The following SRRM4 variants were observed in gnomAD, a reference collection of about 807,000 sequenced individuals.
The protein encoded by SRRM4 is serine/arginine repetitive matrix protein 4.
SRRM4 carries 33 observed loss-of-function variants against 68.9 expected under a neutral mutation model. That is an observed-to-expected ratio of 0.48 (90% CI 0.36 to 0.64). The LOEUF (loss-of-function observed/expected upper bound fraction) is 0.64, where lower values mean the gene tolerates loss of function less well. Among genes scored for constraint, SRRM4 ranks in the 30% least tolerant of loss-of-function variants. SRRM4 has a pLI of 0.00. For missense variants in SRRM4, 817 were observed against 827.1 expected, an observed-to-expected ratio of 0.99 and a Z score of 0.15; for synonymous variants, 318 against 318.8, an observed-to-expected ratio of 1.00 and a Z score of 0.03.
chr12:119,141,785 C>A (rs1421130932), intron 8 of SRRM4, among the ~76,000 whole-genome samples: 1 of 152,138 alleles, frequency 6.6e-6, no homozygotes, highest in African/African-American at 2.4e-5. Flanking sequence ...AGAGAGACGG[C>A]CAATAAAATA....
Position 119,153,476 on chromosome 12 carries a change from C to T in SRRM4, c.1281-63C>T, listed in dbSNP as rs980105907. 1.6e-5 allele frequency: 18 copies of T among 1,120,360 alleles called. No individual in the cohort carries two copies. In the African/African-American group the frequency reaches 2.5e-4, roughly 15 times the overall value. The allele number at this position is 1,120,360 out of a possible 1,614,324, so 69.4% of individuals were successfully genotyped here. Reference sequence around the variant, plus strand: ...AGGGACCCGCTGAATAAAGCTCAAGCCGTCTTGGATAACCCAGGCGGACAC... The same window carrying T: ...AGGGACCCGCTGAATAAAGCTCAAGTCGTCTTGGATAACCCAGGCGGACAC... On this transcript the variant is annotated intron_variant, in intron 10 of 12. Coordinates refer to ENST00000267260, the MANE Select transcript of SRRM4 (RefSeq NM_194286.4).
intron 3 of SRRM4, among the ~76,000 whole-genome samples, chr12:119,114,733 C>T (rs1247588548): frequency 7.2e-6 from 1 of 139,702 alleles, no homozygotes; most frequent in Non-Finnish European, 1.5e-5. Flanking sequence ...GGCATGATCT[C>T]GGCTCCCTGC....
chr12:119,042,024 G>T (rs775061154), intron 1 of SRRM4, among the ~76,000 whole-genome samples: 1 of 152,070 alleles, frequency 6.6e-6, no homozygotes, highest in African/African-American at 2.4e-5. Context: ...CCAACTTCAC[G>T]AACTAAGGAT....
At chr12:119,013,575 A>C (rs1305251652) in intron 1 of SRRM4, among the ~76,000 whole-genome samples, 2 of 152,238 alleles carry the variant, frequency 1.3e-5, no homozygotes, top group Non-Finnish European at 1.5e-5. Flanking sequence ...AATATTTTAT[A>C]TGAAAATACA....
intron 1 of SRRM4, among the ~76,000 whole-genome samples, chr12:119,092,037 A>T (rs1954017304): frequency 6.6e-6 from 1 of 152,198 alleles, no homozygotes; most frequent in South Asian, 2.1e-4. Flanking sequence ...AAACGCACAA[A>T]CAATAAATGA....
At position 119,160,342 on chromosome 12, in the gene SRRM4, CT is replaced by C. The variant is rs1954505178; in HGVS notation, c.*3548del. ...CTCTCTCAGTGTATTTCTCTACTTT[CT>C]TTTACATTTCCTTTTTTTCTATCCA... On this transcript the variant is annotated 3_prime_UTR_variant, in exon 13 of 13. Coordinates refer to ENST00000267260, the MANE Select transcript of SRRM4 (RefSeq NM_194286.4). The C allele has an allele frequency of 6.7e-6, 1 of 149,530 alleles. No individual in the cohort carries two copies. The highest frequency in any genetic ancestry group is 1.5e-5 in the Non-Finnish European group (1 of 67,692). The allele number at this position is 149,530 out of a possible 1,614,324, so 9.3% of individuals were successfully genotyped here. A position where few individuals can be genotyped will look rare whatever the true frequency, so the allele number is the denominator to read the frequency against.
chr12:119,120,360 TC>T, intron 5 of SRRM4, 84 bp downstream of exon 5: 1 of 1,427,646 alleles, frequency 7.0e-7, no homozygotes, highest in South Asian at 1.3e-5. Context: ...GCCCTCAGTT[TC>T]CATCTGTGCT....
At position 119,078,069 on chromosome 12, in the gene SRRM4, C is replaced by A. The variant is rs555622446; in HGVS notation, c.132-24167C>A. ...GTCTGCCTGTGGGTGGTTCTGAAGA[C>A]CCTCCTCTACCCAAAGACAACATAA... On this transcript the variant is annotated intron_variant, in intron 1 of 12. Transcript: ENST00000267260. Among the ~76,000 whole-genome samples the A allele has an allele frequency of 1.3e-4, 20 of 152,164 alleles. No individual in the cohort carries two copies. The South Asian group carries it at 1.9e-3, about 14-fold the overall frequency.
intron 2 of SRRM4, among the ~76,000 whole-genome samples, chr12:119,110,217 G>A (rs1565910202): frequency 6.6e-6 from 1 of 152,206 alleles, no homozygotes; most frequent in African/African-American, 2.4e-5. Flanking sequence ...CTGGCCATAT[G>A]AGGTGTCAGT....
chr12:119,013,286 G>A (rs569753767), intron 1 of SRRM4, among the ~76,000 whole-genome samples: 1 of 152,230 alleles, frequency 6.6e-6, no homozygotes, highest in East Asian at 1.9e-4. Flanking sequence ...GGCCCAGAGA[G>A]GCTAAGCAAT....
intron 1 of SRRM4, among the ~76,000 whole-genome samples, chr12:119,037,514 AG>A (rs916224349): frequency 6.6e-6 from 1 of 152,174 alleles, no homozygotes; most frequent in Non-Finnish European, 1.5e-5. Flanking sequence ...TTATCCACCA[AG>A]GAAAATAGAT....
chr12:119,054,666 G>T (rs1339613476), intron 1 of SRRM4, among the ~76,000 whole-genome samples: 1 of 152,118 alleles, frequency 6.6e-6, no homozygotes, highest in Admixed American at 6.5e-5. Flanking sequence ...GGGATGTATT[G>T]GCTCTCATAC....
At chr12:119,136,998 T>C (rs913853983) in intron 8 of SRRM4, among the ~76,000 whole-genome samples, 10 of 152,172 alleles carry the variant, frequency 6.6e-5, no homozygotes, top group Admixed American at 2.6e-4. Context: ...GATGAACTCC[T>C]ACCAGGTCAA....
chr12:119,085,742 C>T (rs1953976049), intron 1 of SRRM4, among the ~76,000 whole-genome samples: 1 of 152,128 alleles, frequency 6.6e-6, no homozygotes. Context: ...CTAAAAGCTG[C>T]TCTGGAGGCT....
At chr12:118,990,701 C>T (rs1428857175) in intron 1 of SRRM4, among the ~76,000 whole-genome samples, 1 of 152,196 alleles carries the variant, frequency 6.6e-6, no homozygotes, top group Non-Finnish European at 1.5e-5. Flanking sequence ...CTTTCCTTGC[C>T]CCTCTTATCC....
intron 9 of SRRM4, among the ~76,000 whole-genome samples, chr12:119,149,558 G>A (rs1027784844): frequency 6.6e-5 from 10 of 152,086 alleles, no homozygotes; most frequent in Admixed American, 4.6e-4. Flanking sequence ...CACACTGGAG[G>A]TCGCCCAACC....
intron 1 of SRRM4, among the ~76,000 whole-genome samples, chr12:118,998,429 C>T (rs1016752825): frequency 6.6e-6 from 1 of 152,122 alleles, no homozygotes; most frequent in Non-Finnish European, 1.5e-5. Flanking sequence ...TGTCTGTCAT[C>T]CTTGCAGGAA....
At chr12:119,063,433 G>A (rs766531493) in intron 1 of SRRM4, among the ~76,000 whole-genome samples, 2 of 152,138 alleles carry the variant, frequency 1.3e-5, no homozygotes, top group Admixed American at 6.6e-5. Flanking sequence ...TCTCTCAAGA[G>A]CCAAAACTGA....
chr12:119,060,996 T>C (rs747020673), intron 1 of SRRM4, among the ~76,000 whole-genome samples: 1 of 152,180 alleles, frequency 6.6e-6, no homozygotes, highest in Admixed American at 6.5e-5. Context: ...GGAGTGTTAC[T>C]TTCTGTTCTC....
Sources: gnomAD v4.1 joint callset for allele counts (sites outside exome capture counted in the v4.1 genomes callset) on GRCh38, gnomAD v4.1.1 for gene constraint, MANE v1.5 for transcripts, NCBI Gene and HGNC (gene_info 2026-07-23, HGNC 2026-07-21) for gene names.